The following CSMD1 variants were observed in gnomAD, a reference collection of about 807,000 sequenced individuals.
CSMD1 encodes CUB and Sushi multiple domains 1.
Under a neutral mutation model 417.5 loss-of-function variants are expected in CSMD1, and 213 were observed. The observed-to-expected ratio is 0.51, with a 90% CI of 0.46 to 0.57. The LOEUF (loss-of-function observed/expected upper bound fraction) is 0.57, where lower values mean the gene tolerates loss of function less well. CSMD1 is among the 20% of genes least tolerant of loss of function. CSMD1 has a pLI of 0.00. For synonymous variants in CSMD1, 2,862 were observed against 1,736.8 expected (o/e 1.65, Z -16.11); for missense variants, 6,923 against 4,529.7 (o/e 1.53, Z -15.17).
chr8:3,524,626 C>T (rs1585303503), intron 10 of CSMD1, among the ~76,000 whole-genome samples: 1 of 151,868 alleles, frequency 6.6e-6, no homozygotes. Context: ...TACACACATG[C>T]ACACCCAGAG....
At chr8:3,732,959 C>G (rs1263928368) in intron 6 of CSMD1, among the ~76,000 whole-genome samples, 1 of 152,040 alleles carries the variant, frequency 6.6e-6, no homozygotes, top group Admixed American at 6.6e-5. Context: ...ATCTACTTAC[C>G]TACCTACCTA....
chr8:3,091,989 G>A, intron 47 of CSMD1, among the ~76,000 whole-genome samples: 1 of 152,126 alleles, frequency 6.6e-6, no homozygotes, highest in East Asian at 1.9e-4. Flanking sequence ...ACTTACACAG[G>A]AAAATAGAAA....
In CSMD1 at chr8:4,143,857, T is replaced by C. The variant is rs533951955; in HGVS notation, c.416-111758A>G. 4.0e-5 allele frequency among the ~76,000 whole-genome samples: 6 copies of C among 151,214 alleles called. No homozygotes were observed. In the East Asian group the frequency reaches 1.2e-3, roughly 29 times the overall value. On this transcript the variant is annotated intron_variant, in intron 3 of 69. Coordinates refer to ENST00000635120, the MANE Select transcript of CSMD1 (RefSeq NM_033225.6). ...ATTTAAGTACTTATTTTGAGGTCCCTCTCAGTTACCCCTTATCTGGATGAA... is the reference window on the plus strand; with the variant it reads ...ATTTAAGTACTTATTTTGAGGTCCCCCTCAGTTACCCCTTATCTGGATGAA...
intron 57 of CSMD1, among the ~76,000 whole-genome samples, chr8:2,972,042 T>A (rs1170366460): frequency 6.6e-6 from 1 of 152,088 alleles, no homozygotes; most frequent in Non-Finnish European, 1.5e-5. Context: ...TATGCATGGG[T>A]AAATATAATA....
At chr8:3,951,046 A>T (rs1436113821) in intron 5 of CSMD1, among the ~76,000 whole-genome samples, 3 of 152,218 alleles carry the variant, frequency 2.0e-5, no homozygotes, top group African/African-American at 7.2e-5. Context: ...TGAGATTTTT[A>T]AAGCTGTTTC....
At chr8:4,720,968 T>G (rs1253554001) in intron 1 of CSMD1, among the ~76,000 whole-genome samples, 1 of 152,164 alleles carries the variant, frequency 6.6e-6, no homozygotes, top group Non-Finnish European at 1.5e-5. Flanking sequence ...CCCTGCCTAC[T>G]TCACCGGAAG....
At chr8:3,734,979 A>T (rs1279895264) in intron 6 of CSMD1, among the ~76,000 whole-genome samples, 1 of 152,192 alleles carries the variant, frequency 6.6e-6, no homozygotes, top group African/African-American at 2.4e-5. Flanking sequence ...TGAGAGCAAT[A>T]GCTCCCCTGT....
chr8:3,615,072 AT>A (rs1190514035), intron 8 of CSMD1, among the ~76,000 whole-genome samples: 1 of 152,206 alleles, frequency 6.6e-6, no homozygotes, highest in Non-Finnish European at 1.5e-5. Context: ...ATGACTTCAA[AT>A]GACTGCTGTT....
intron 7 of CSMD1, among the ~76,000 whole-genome samples, chr8:3,632,425 G>C (rs77424404): frequency 0.01 from 1,552 of 152,164 alleles, 24 homozygotes; most frequent in African/African-American, 0.036. Flanking sequence ...CCATGTTATA[G>C]GAGATTATTT....
chr8:2,969,435 A>T, intron 57 of CSMD1, among the ~76,000 whole-genome samples: 1 of 152,218 alleles, frequency 6.6e-6, no homozygotes, highest in East Asian at 1.9e-4. Context: ...GATGGCTAAC[A>T]AAAGCAAATT....
At chr8:3,280,088 G>T (rs1463122766) in intron 26 of CSMD1, among the ~76,000 whole-genome samples, 1 of 152,132 alleles carries the variant, frequency 6.6e-6, no homozygotes, top group African/African-American at 2.4e-5. Context: ...CCTGAAGAGA[G>T]AGGTACTAGG....
At chr8:4,927,793 A>G (rs958085072) in intron 1 of CSMD1, among the ~76,000 whole-genome samples, 15 of 152,164 alleles carry the variant, frequency 9.9e-5, no homozygotes, top group Non-Finnish European at 2.9e-5. Context: ...TTGGATTCCA[A>G]CTTGGCTCCT....
At chr8:4,386,958 T>G (rs566459952) in intron 3 of CSMD1, among the ~76,000 whole-genome samples, 1 of 152,272 alleles carries the variant, frequency 6.6e-6, no homozygotes, top group African/African-American at 2.4e-5. Context: ...TGAAGTGTAA[T>G]ATGTTACGAT....
At chr8:3,308,578 A>C in intron 23 of CSMD1, 75 bp from the exon 24 acceptor site, 1 of 1,224,774 alleles carries the variant, frequency 8.2e-7, no homozygotes, top group Non-Finnish European at 1.2e-6. Flanking sequence ...TGAAACAAAC[A>C]AGGTTGCTAA....
intron 1 of CSMD1, among the ~76,000 whole-genome samples, chr8:4,821,411 T>G (rs1799516614): frequency 6.6e-6 from 1 of 152,136 alleles, no homozygotes; most frequent in African/African-American, 2.4e-5. Context: ...TTTTTCTTCT[T>G]CAGTGTTTTG....
intron 3 of CSMD1, among the ~76,000 whole-genome samples, chr8:4,190,973 G>C (rs1017242079): frequency 6.6e-6 from 1 of 151,998 alleles, no homozygotes; most frequent in Non-Finnish European, 1.5e-5. Flanking sequence ...GGGGAAGGGA[G>C]AGGATCAGGA....
rs546698066 is a variant in CSMD1, at chr8:4,224,207, A to G, written c.416-192108T>C. On this transcript the variant is annotated intron_variant, in intron 3 of 69. Coordinates refer to ENST00000635120, the MANE Select transcript of CSMD1 (RefSeq NM_033225.6). ...GTGAAAGTTATGCAAAGCGTTTGTG[A>G]TCCAAGTCCTAAAAAGGCCTTTTTC... is the stretch of plus-strand genomic sequence containing the variant. 2.9e-5 allele frequency among the ~76,000 whole-genome samples: 4 copies of G among 135,744 alleles called. No homozygotes were observed. The East Asian group carries it at 8.9e-4, about 30-fold the overall frequency. 89.1% of individuals were successfully genotyped at this position (135,744 alleles called of 152,430 possible). A position where few individuals can be genotyped will look rare whatever the true frequency, so the allele number is the denominator to read the frequency against.
chr8:3,364,365 C>T (rs939072394), intron 20 of CSMD1, among the ~76,000 whole-genome samples: 2 of 152,160 alleles, frequency 1.3e-5, no homozygotes, highest in Non-Finnish European at 2.9e-5. Flanking sequence ...TTTATTTCTT[C>T]TGCAGGCTTT....
At position 3,661,090 on chromosome 8, in the gene CSMD1, C is replaced by A. The variant is rs553965455; in HGVS notation, c.1010-44293G>T. On this transcript the variant is annotated intron_variant, in intron 7 of 69. Transcript: ENST00000635120. ...GAAGGAGAAAACAAATGCTAGGATA[C>A]AGCCGGGTTCCATCTGTTAAAGCAA... is the stretch of plus-strand genomic sequence containing the variant. Among the ~76,000 whole-genome samples the A allele has an allele frequency of 1.0e-3, 153 of 152,304 alleles. 1 individual carries two copies. Among genetic ancestry groups the A allele is most frequent in the African/African-American group, 3.6e-3 (149 of 41,578 alleles).
Sources: allele counts gnomAD v4.1 joint callset (sites outside exome capture counted in the v4.1 genomes callset), GRCh38; gene constraint gnomAD v4.1.1; transcripts MANE v1.5; gene names NCBI Gene and HGNC (gene_info 2026-07-23, HGNC 2026-07-21).